Variants in RAD18 observed in about 807,000 individuals in gnomAD.
The protein encoded by RAD18 is RAD18 E3 ubiquitin protein ligase.
In RAD18, 47 loss-of-function variants were observed where a neutral mutation model predicts 60.4. That is an observed-to-expected ratio of 0.78 (90% CI 0.62 to 0.99). The LOEUF (loss-of-function observed/expected upper bound fraction) is 0.99, where lower values mean the gene tolerates loss of function less well. Among genes scored for constraint, RAD18 ranks in the 50% least tolerant of loss-of-function variants. The pLI is 0.00. For missense variants in RAD18, 640 were observed against 593.3 expected (o/e 1.08, Z -0.82); for synonymous variants, 225 against 195.5 (o/e 1.15, Z -1.26).
intron 11 of RAD18, among the ~76,000 whole-genome samples, chr3:8,893,399 A>G (rs1939725852): frequency 6.6e-6 from 1 of 152,184 alleles, no homozygotes; most frequent in Non-Finnish European, 1.5e-5. Flanking sequence ...ATAACTCTTC[A>G]AGGGTAGATC....
chr3:8,938,904 T>C (rs1940698422), intron 6 of RAD18, among the ~76,000 whole-genome samples: 2 of 152,180 alleles, frequency 1.3e-5, no homozygotes, highest in South Asian at 2.1e-4. Context: ...GAACAACTTA[T>C]ATGTGTAACA....
In RAD18 at chr3:8,877,825, A is replaced by G. The variant is rs1198182551; in HGVS notation, c.*3532T>C. 6.6e-6 allele frequency: 1 copy of G among 152,322 alleles called. No homozygotes were observed. Among genetic ancestry groups the G allele is most frequent in the Non-Finnish European group, 1.5e-5 (1 of 68,158 alleles). 9.4% of individuals were successfully genotyped at this position (152,322 alleles called of 1,614,324 possible). On this transcript the variant is annotated 3_prime_UTR_variant, in exon 13 of 13. Coordinates refer to ENST00000264926, the MANE Select transcript of RAD18 (RefSeq NM_020165.4). ...GAAAGAAAGGTAAGGGGAAAGAGAA[A>G]AAAAAGGGGGTGGGGAAGAGAAAAG...
At chr3:8,882,160 T>C (rs1432738201) in intron 12 of RAD18, among the ~76,000 whole-genome samples, 3 of 152,076 alleles carry the variant, frequency 2.0e-5, no homozygotes, top group Non-Finnish European at 1.5e-5. Flanking sequence ...CCTGCTCTCC[T>C]GAATGCTTCT....
intron 7 of RAD18, among the ~76,000 whole-genome samples, chr3:8,922,011 C>A (rs555365978): frequency 2.7e-4 from 41 of 152,328 alleles, no homozygotes; most frequent in African/African-American, 8.9e-4. Context: ...TCAGCATGAG[C>A]GACGCAGAAG....
rs201784971 is a variant in RAD18, at chr3:8,910,515, G to A, written c.1027+1797C>T. On this transcript the variant is annotated intron_variant, in intron 9 of 12. Coordinates refer to ENST00000264926, the MANE Select transcript of RAD18 (RefSeq NM_020165.4). ...GCCAGCTACTCAGGAGGCTGAGGCA[G>A]GAGAATGGCGTGAACCCAGGAGGCA... Among the ~76,000 whole-genome samples, 75 of 152,176 alleles carry A rather than the reference G, an allele frequency of 4.9e-4. 1 individual carries two copies. The East Asian group carries it at 0.014, about 29-fold the overall frequency.
intron 1 of RAD18, among the ~76,000 whole-genome samples, chr3:8,961,587 G>C (rs375472692): frequency 2.0e-5 from 3 of 152,226 alleles, no homozygotes; most frequent in Non-Finnish European, 2.9e-5. Flanking sequence ...TCTGGGATCT[G>C]ATAGTTCTTT....
intron 11 of RAD18, 34 bp from the exon 12 acceptor site, chr3:8,890,485 A>C: frequency 1.4e-6 from 2 of 1,442,744 alleles, no homozygotes; most frequent in Non-Finnish European, 1.9e-6. Flanking sequence ...TTGACAGACA[A>C]CAAGAAGACT....
chr3:8,952,447 G>A (rs573000157), intron 2 of RAD18, among the ~76,000 whole-genome samples: 4 of 152,242 alleles, frequency 2.6e-5, no homozygotes, highest in South Asian at 4.1e-4. Flanking sequence ...ATTTATGCTG[G>A]TTTTAACTTA....
chr3:8,919,340 T>G (rs1399321396), intron 7 of RAD18, among the ~76,000 whole-genome samples: 3 of 151,790 alleles, frequency 2.0e-5, no homozygotes, highest in African/African-American at 7.3e-5. Context: ...AAAAAAAACT[T>G]GACATATTAA....
chr3:8,915,137 G>C (rs1209600372), intron 7 of RAD18, among the ~76,000 whole-genome samples: 1 of 107,402 alleles, frequency 9.3e-6, no homozygotes, highest in Non-Finnish European at 1.8e-5. Flanking sequence ...GACAAAGCGA[G>C]ACTCCGTCTC....
intron 3 of RAD18, 131 bp downstream of exon 3, chr3:8,948,378 G>GA: frequency 1.4e-6 from 1 of 729,910 alleles, no homozygotes; most frequent in South Asian, 2.6e-5. Flanking sequence ...GGTCCTTTCT[G>GA]AAAATGTCTT....
In RAD18 at chr3:8,935,332, G is replaced by T. The variant is rs541960093; in HGVS notation, c.889+539C>A. 3.9e-5 allele frequency among the ~76,000 whole-genome samples: 6 copies of T among 152,272 alleles called. No homozygotes were observed. In the South Asian group the frequency reaches 1.2e-3, roughly 32 times the overall value. On this transcript the variant is annotated intron_variant, in intron 7 of 12. Transcript: ENST00000264926. ...GCACTACACAGAATACTATCATTTT[G>T]TAAAAACAGTAATGAAAAGGATATA... is the stretch of plus-strand genomic sequence containing the variant.
chr3:8,962,485 T>C (rs1941107149), intron 1 of RAD18, among the ~76,000 whole-genome samples: 2 of 152,238 alleles, frequency 1.3e-5, no homozygotes, highest in Admixed American at 1.3e-4. Context: ...GTCAAATTTA[T>C]GAGTCAGTGG....
chr3:8,948,907 A>AGCCCAGCC (rs1940882475), intron 2 of RAD18, among the ~76,000 whole-genome samples: 1 of 152,210 alleles, frequency 6.6e-6, no homozygotes, highest in Non-Finnish European at 1.5e-5. Flanking sequence ...TTATCATTTG[A>AGCCCAGCC]AAATATAAAT....
chr3:8,922,392 G>A (rs566858967), intron 7 of RAD18, among the ~76,000 whole-genome samples: 1 of 152,236 alleles, frequency 6.6e-6, no homozygotes, highest in Non-Finnish European at 1.5e-5. Context: ...GCTGGGGGAG[G>A]GGTGCCTGCC....
intron 11 of RAD18, among the ~76,000 whole-genome samples, chr3:8,896,612 T>C (rs1404296903): frequency 6.6e-6 from 1 of 152,234 alleles, no homozygotes; most frequent in East Asian, 1.9e-4. Flanking sequence ...ATGAGCCTAT[T>C]TGTCCATGTA....
At chr3:8,955,287 G>T (rs951870974) in intron 2 of RAD18, among the ~76,000 whole-genome samples, 1 of 152,168 alleles carries the variant, frequency 6.6e-6, no homozygotes, top group Non-Finnish European at 1.5e-5. Context: ...CCTGGGGAGA[G>T]AAAGAAGGGA....
intron 11 of RAD18, among the ~76,000 whole-genome samples, chr3:8,894,820 G>C (rs1939757864): frequency 6.7e-6 from 1 of 148,732 alleles, no homozygotes; most frequent in Non-Finnish European, 1.5e-5. Context: ...GAGTGCAGTG[G>C]CGCGATATCG....
intron 4 of RAD18, among the ~76,000 whole-genome samples, chr3:8,944,538 A>AAGGG (rs1185771994): frequency 6.7e-5 from 10 of 149,232 alleles, no homozygotes; most frequent in Admixed American, 6.7e-4. Context: ...GAAGAGAGGA[A>AAGGG]AGGGAGGAAG....
Sources: gnomAD v4.1 joint callset for allele counts (sites outside exome capture counted in the v4.1 genomes callset) on GRCh38, gnomAD v4.1.1 for gene constraint, MANE v1.5 for transcripts, NCBI Gene and HGNC (gene_info 2026-07-23, HGNC 2026-07-21) for gene names.